The following MYO16 variants were observed in gnomAD, a reference collection of about 807,000 sequenced individuals.
MYO16 encodes unconventional myosin-XVI.
Under a neutral mutation model 205.3 loss-of-function variants are expected in MYO16, and 94 were observed. The ratio of observed to expected loss-of-function variants is 0.46; its 90% confidence interval spans 0.39 to 0.54. The LOEUF is 0.54. Ranked by LOEUF, MYO16 falls within the 20% of genes least tolerant of loss-of-function variation. MYO16 has a pLI of 0.00. For synonymous variants in MYO16, 988 were observed against 954.0 expected, an observed-to-expected ratio of 1.04 and a Z score of -0.66; for missense variants, 2,315 against 2,387.5, an observed-to-expected ratio of 0.97 and a Z score of 0.63.
chr13:109,173,724 T>G (rs563701701), intron 33 of MYO16, among the ~76,000 whole-genome samples: 1 of 150,290 alleles, frequency 6.7e-6, no homozygotes, highest in Non-Finnish European at 1.5e-5. Flanking sequence ...TGAAACCCCG[T>G]CTCTACTAAA....
chr13:109,204,165 T>C (rs1344758023), intron 34 of MYO16, among the ~76,000 whole-genome samples: 12 of 152,186 alleles, frequency 7.9e-5, no homozygotes, highest in Admixed American at 7.9e-4. Flanking sequence ...ACAGGAACAA[T>C]AACATGCTAT....
the MYO16 span, among the ~76,000 whole-genome samples, chr13:108,573,487 C>G: frequency 6.6e-6 from 1 of 152,160 alleles, no homozygotes; most frequent in Non-Finnish European, 1.5e-5. Flanking sequence ...TTTGATACTT[C>G]TAGCTTATTA....
At chr13:108,543,644 GAAAAAA>G in the MYO16 span, among the ~76,000 whole-genome samples, 1 of 77,500 alleles carries the variant, frequency 1.3e-5, no homozygotes, top group African/African-American at 4.2e-5. Context: ...TCCCTCTCAA[GAAAAAA>G]AAAAAAAAAA....
At position 108,751,347 on chromosome 13, in the gene MYO16, A is replaced by G. The variant is rs143059352; in HGVS notation, c.507+23764A>G. On this transcript the variant is annotated intron_variant, in intron 4 of 34. Transcript: ENST00000457511. ...AGTACATCAAAGAAATTCAGAGCCA[A>G]TTGAAAGACCAATGGCTCACACTGG... Among the ~76,000 whole-genome samples the G allele has an allele frequency of 5.7e-4, 87 of 152,302 alleles. 1 individual carries two copies. The East Asian group carries it at 0.014, about 25-fold the overall frequency.
chr13:109,005,039 T>C (rs1297008403), intron 21 of MYO16, among the ~76,000 whole-genome samples: 1 of 152,206 alleles, frequency 6.6e-6, no homozygotes, highest in African/African-American at 2.4e-5. Flanking sequence ...TGAAATCTAG[T>C]TGTCAGAAGA....
At chr13:108,562,534 C>A in the MYO16 span, among the ~76,000 whole-genome samples, 3 of 152,128 alleles carry the variant, frequency 2.0e-5, no homozygotes, top group Non-Finnish European at 2.9e-5. Flanking sequence ...CAGCGTCCCA[C>A]TTCTGGGAAA....
chr13:109,132,034 C>A (rs1013572553), intron 31 of MYO16, among the ~76,000 whole-genome samples: 4 of 152,152 alleles, frequency 2.6e-5, no homozygotes, highest in Admixed American at 6.5e-5. Context: ...ACGTAGCAAG[C>A]GCACAGCAAA....
intron 27 of MYO16, among the ~76,000 whole-genome samples, chr13:109,064,695 CA>C (rs926741489): frequency 6.6e-6 from 1 of 151,400 alleles, no homozygotes; most frequent in African/African-American, 2.4e-5. Flanking sequence ...TAGGGAGGAA[CA>C]AAAAAAAGGC....
intron 1 of MYO16, among the ~76,000 whole-genome samples, chr13:108,650,681 C>G (rs1368905630): frequency 2.6e-5 from 4 of 152,172 alleles, no homozygotes; most frequent in African/African-American, 7.2e-5. Context: ...GGAATCCAAG[C>G]TTGTCTGAGA....
chr13:108,710,939 G>C (rs1019108433), intron 2 of MYO16, among the ~76,000 whole-genome samples: 3 of 152,208 alleles, frequency 2.0e-5, no homozygotes, highest in Admixed American at 6.5e-5. Flanking sequence ...TAGAGTAAAA[G>C]TGCTGTCTAT....
chr13:109,139,979 G>A (rs1876962578), intron 31 of MYO16, among the ~76,000 whole-genome samples: 1 of 152,130 alleles, frequency 6.6e-6, no homozygotes, highest in Non-Finnish European at 1.5e-5. Context: ...AGCAGCAGAA[G>A]TGGTGGTCTC....
At chr13:108,941,705 A>G (rs1198368375) in intron 16 of MYO16, among the ~76,000 whole-genome samples, 2 of 150,228 alleles carry the variant, frequency 1.3e-5, no homozygotes, top group African/African-American at 2.4e-5. Flanking sequence ...AGGTAAAAGA[A>G]AAAAAAAAGA....
At chr13:108,657,443 T>G (rs1053975366) in intron 1 of MYO16, among the ~76,000 whole-genome samples, 1 of 152,214 alleles carries the variant, frequency 6.6e-6, no homozygotes, top group Non-Finnish European at 1.5e-5. Flanking sequence ...TATACTATTT[T>G]GTGTTTGTTT....
At chr13:108,668,218 C>A (rs1477106743) in intron 2 of MYO16, among the ~76,000 whole-genome samples, 1 of 152,152 alleles carries the variant, frequency 6.6e-6, no homozygotes, top group Non-Finnish European at 1.5e-5. Context: ...GTCATACAAT[C>A]TGAATTAATG....
chr13:109,117,078 C>T (rs1875727871), intron 28 of MYO16, among the ~76,000 whole-genome samples: 1 of 152,004 alleles, frequency 6.6e-6, no homozygotes, highest in Admixed American at 6.6e-5. Context: ...TTTCTTTTTC[C>T]TTTTATTTCC....
At chr13:108,506,250 T>A in the MYO16 span, among the ~76,000 whole-genome samples, 121 of 152,292 alleles carry the variant, frequency 7.9e-4, 1 homozygote, top group Non-Finnish European at 1.0e-4. Context: ...TTACTTTGGA[T>A]ATTACTTGTA....
At chr13:109,174,036 T>G (rs1200390443) in intron 33 of MYO16, among the ~76,000 whole-genome samples, 1 of 148,630 alleles carries the variant, frequency 6.7e-6, no homozygotes. Flanking sequence ...AGTTTGGGGG[T>G]GCCAGTTTTG....
At chr13:108,734,873 A>T (rs1169384072) in intron 4 of MYO16, among the ~76,000 whole-genome samples, 1 of 152,184 alleles carries the variant, frequency 6.6e-6, no homozygotes, top group Non-Finnish European at 1.5e-5. Flanking sequence ...ACTAGGTCGC[A>T]TGTGGAATTC....
In MYO16 at chr13:108,665,925, T is replaced by C; in HGVS notation, c.68T>C (p.Met23Thr). ...QLCNVFRSHE[M>T]EIDQCLLESL... ...TGTAACGTTTTTCGATCCCATGAGA[T>C]GGAAATCGACCAGTGCTTGCTAGAG... The change falls in exon 2 of 35, where the codon ATG (methionine) becomes ACG (threonine). Residue 23 changes from methionine to threonine, a missense_variant. Physicochemically the swap from Met to Thr is moderately conservative, Grantham distance 81. Transcript: ENST00000457511. 2 of 1,614,096 alleles carry C rather than the reference T, an allele frequency of 1.2e-6. No individual in the cohort carries two copies. Among genetic ancestry groups the C allele is most frequent in the Non-Finnish European group, 1.7e-6 (2 of 1,179,962 alleles).
Sources: gnomAD v4.1 joint callset for allele counts (sites outside exome capture counted in the v4.1 genomes callset) on GRCh38, gnomAD v4.1.1 for gene constraint, MANE v1.5 for transcripts, NCBI Gene and HGNC (gene_info 2026-07-23, HGNC 2026-07-21) for gene names.